CSMD3: variants seen among roughly 807,000 people sequenced by gnomAD.
The protein encoded by CSMD3 is CUB and sushi domain-containing protein 3.
CSMD3 carries 177 observed loss-of-function variants against 435.2 expected under a neutral mutation model. The ratio of observed to expected loss-of-function variants is 0.41; its 90% CI spans 0.36 to 0.46. The LOEUF is 0.46. Among genes scored for constraint, CSMD3 ranks in the 20% least tolerant of loss-of-function variants. CSMD3 has a pLI of 0.34. For synonymous variants in CSMD3, 1,656 were observed against 1,520.5 expected (o/e 1.09, Z -2.07); for missense variants, 4,265 against 4,504.6 (o/e 0.95, Z 1.52).
At chr8:112,924,887 A>C (rs1028279087) in intron 9 of CSMD3, among the ~76,000 whole-genome samples, 6 of 152,216 alleles carry the variant, frequency 3.9e-5, no homozygotes, top group Middle Eastern at 3.4e-3. Flanking sequence ...ATTATTTATA[A>C]ACTACACAGT....
chr8:112,797,956 CA>C (rs1257308417), intron 13 of CSMD3, among the ~76,000 whole-genome samples: 1 of 151,648 alleles, frequency 6.6e-6, no homozygotes, highest in East Asian at 1.9e-4. Context: ...TTTAATTGAA[CA>C]AATAATTATT....
At chr8:113,353,833 A>G (rs1244501841) in intron 1 of CSMD3, among the ~76,000 whole-genome samples, 1 of 152,054 alleles carries the variant, frequency 6.6e-6, no homozygotes, top group Admixed American at 6.6e-5. Flanking sequence ...ATTTTGAAAA[A>G]ATCACTGGCT....
chr8:113,207,939 G>T (rs892204878), intron 3 of CSMD3, among the ~76,000 whole-genome samples: 17 of 152,098 alleles, frequency 1.1e-4, no homozygotes, highest in Non-Finnish European at 2.2e-4. Flanking sequence ...TCAGAATGGG[G>T]TTTGGCATAC....
chr8:112,290,460 A>G (rs1368769318), intron 56 of CSMD3, among the ~76,000 whole-genome samples: 1 of 151,962 alleles, frequency 6.6e-6, no homozygotes, highest in Admixed American at 6.6e-5. Flanking sequence ...AAGTAAGTAA[A>G]TTATTCAAAT....
At chr8:112,875,388 T>C (rs1425834568) in intron 10 of CSMD3, among the ~76,000 whole-genome samples, 1 of 152,132 alleles carries the variant, frequency 6.6e-6, no homozygotes, top group Non-Finnish European at 1.5e-5. Flanking sequence ...ATCTGACGAT[T>C]ATATTTCTTG....
intron 35 of CSMD3, among the ~76,000 whole-genome samples, chr8:112,393,234 C>CTTGT (rs1294053090): frequency 6.6e-6 from 1 of 152,108 alleles, no homozygotes; most frequent in East Asian, 1.9e-4. Flanking sequence ...CATCTCCAGG[C>CTTGT]TTGTATGTAA....
chr8:113,008,516 T>C (rs1490123454), intron 6 of CSMD3, among the ~76,000 whole-genome samples: 4 of 151,856 alleles, frequency 2.6e-5, no homozygotes, highest in African/African-American at 7.2e-5. Flanking sequence ...TTAGCTAGTA[T>C]AACTGAGAAA....
intron 17 of CSMD3, among the ~76,000 whole-genome samples, chr8:112,663,694 T>G (rs1365943895): frequency 1.3e-5 from 2 of 152,044 alleles, no homozygotes; most frequent in Non-Finnish European, 2.9e-5. Flanking sequence ...ATACAAGCAA[T>G]TATTCCTGTG....
Position 112,955,090 on chromosome 8 carries a change from C to T in CSMD3, c.1343-329G>A, listed in dbSNP as rs766414603. Among the ~76,000 whole-genome samples the T allele has an allele frequency of 5.9e-5, 9 of 151,406 alleles. No homozygotes were observed. In the South Asian group the frequency reaches 1.2e-3, roughly 21 times the overall value. On this transcript the variant is annotated intron_variant, in intron 7 of 70. Transcript: ENST00000297405. ...AACCACTTGAAATCATCAACTTTTA[C>T]GGAATAAATTAAACTAGCAAAGTAA...
At chr8:112,635,675 T>C (rs754211376) in intron 22 of CSMD3, among the ~76,000 whole-genome samples, 22 of 152,064 alleles carry the variant, frequency 1.4e-4, no homozygotes, top group Admixed American at 2.6e-4. Flanking sequence ...TTGAAAACAA[T>C]CTCATTACAA....
chr8:112,663,405 A>T (rs1204369951), intron 17 of CSMD3, among the ~76,000 whole-genome samples: 3 of 145,210 alleles, frequency 2.1e-5, no homozygotes, highest in Non-Finnish European at 3.0e-5. Flanking sequence ...CAAACACCAC[A>T]TGTCCTCACT....
At chr8:112,899,360 C>G (rs2082037116) in intron 10 of CSMD3, among the ~76,000 whole-genome samples, 1 of 150,380 alleles carries the variant, frequency 6.6e-6, no homozygotes, top group Non-Finnish European at 1.5e-5. Flanking sequence ...TCATATTGGT[C>G]TATATCTTTT....
chr8:113,234,945 C>T (rs932338458), intron 3 of CSMD3, among the ~76,000 whole-genome samples: 4 of 151,992 alleles, frequency 2.6e-5, no homozygotes, highest in African/African-American at 4.8e-5. Flanking sequence ...GACCATGCCA[C>T]CAGCCAGGTG....
rs890522836 is a variant in CSMD3, at chr8:112,337,506, A to T, written c.6841+37T>A. On this transcript the variant is annotated intron_variant, in intron 43 of 70. Coordinates refer to ENST00000297405, the MANE Select transcript of CSMD3 (RefSeq NM_198123.2). ...GCCAAAACAATATTAAAAACAGATG[A>T]CATCACCTAAAAGATAGCTTCAAGT... 15 of 1,520,704 alleles carry T rather than the reference A, an allele frequency of 9.9e-6. No individual in the cohort carries two copies. The East Asian group carries it at 1.1e-4, about 11-fold the overall frequency. 94.2% of individuals were successfully genotyped at this position (1,520,704 alleles called of 1,614,324 possible). A position where few individuals can be genotyped will look rare whatever the true frequency, so the allele number is the denominator to read the frequency against.
chr8:112,608,217 A>C (rs1303286480), intron 22 of CSMD3, among the ~76,000 whole-genome samples: 6 of 152,196 alleles, frequency 3.9e-5, no homozygotes, highest in Admixed American at 3.9e-4. Flanking sequence ...AGCATAAAAA[A>C]GAATAAAATA....
At chr8:112,667,082 T>C (rs2075544008) in intron 16 of CSMD3, among the ~76,000 whole-genome samples, 1 of 152,154 alleles carries the variant, frequency 6.6e-6, no homozygotes, top group African/African-American at 2.4e-5. Flanking sequence ...TCACACACAA[T>C]TGAAACCACA....
intron 27 of CSMD3, among the ~76,000 whole-genome samples, chr8:112,527,919 G>A (rs1158772084): frequency 6.6e-6 from 1 of 151,986 alleles, no homozygotes; most frequent in Non-Finnish European, 1.5e-5. Context: ...TTCTGCTAAG[G>A]GAGCTGGCAT....
intron 59 of CSMD3, among the ~76,000 whole-genome samples, chr8:112,266,381 G>T (rs1816946834): frequency 6.6e-6 from 1 of 152,142 alleles, no homozygotes; most frequent in African/African-American, 2.4e-5. Flanking sequence ...AGGTTGTCAG[G>T]AGCAAAAGGT....
chr8:112,317,808 C>A (rs7825635), intron 47 of CSMD3, among the ~76,000 whole-genome samples: 1 of 151,810 alleles, frequency 6.6e-6, no homozygotes. Flanking sequence ...ATGCTTAAAA[C>A]CCCATAATAA....
Sources: allele counts gnomAD v4.1 joint callset (sites outside exome capture counted in the v4.1 genomes callset), GRCh38; gene constraint gnomAD v4.1.1; transcripts MANE v1.5; gene names NCBI Gene and HGNC (gene_info 2026-07-23, HGNC 2026-07-21).